The following RNF150 variants were observed in gnomAD, a reference collection of about 807,000 sequenced individuals.
RNF150 encodes ring finger protein 150.
Under a neutral mutation model 39.3 loss-of-function variants are expected in RNF150, and 24 were observed. The observed-to-expected ratio is 0.61, with a 90% CI of 0.44 to 0.86. The LOEUF is 0.86. Among genes scored for constraint, RNF150 ranks in the 40% least tolerant of loss-of-function variants. The pLI is 0.00. For synonymous variants in RNF150, 255 were observed against 227.3 expected (o/e 1.12, Z -1.10); for missense variants, 502 against 587.8 (o/e 0.85, Z 1.51).
intron 1 of RNF150, among the ~76,000 whole-genome samples, chr4:141,206,202 C>A (rs1728372366): frequency 6.6e-6 from 1 of 151,860 alleles, no homozygotes. Flanking sequence ...GGTGGATTAC[C>A]TGAGGTCAGG....
At chr4:140,980,859 T>C (rs1046049945) in intron 1 of RNF150, among the ~76,000 whole-genome samples, 1 of 152,154 alleles carries the variant, frequency 6.6e-6, no homozygotes, top group African/African-American at 2.4e-5. Context: ...GACTAATACA[T>C]ACCTCTTCTC....
intron 1 of RNF150, among the ~76,000 whole-genome samples, chr4:141,059,512 C>T (rs529933881): frequency 1.3e-5 from 2 of 152,160 alleles, no homozygotes; most frequent in African/African-American, 4.8e-5. Flanking sequence ...CTCCAGGGTC[C>T]AATTTTCCTG....
intron 1 of RNF150, among the ~76,000 whole-genome samples, chr4:141,113,816 T>A (rs1428304760): frequency 6.6e-6 from 1 of 152,128 alleles, no homozygotes; most frequent in Non-Finnish European, 1.5e-5. Context: ...CATAACAAAC[T>A]GTCTCTCAGA....
intron 1 of RNF150, among the ~76,000 whole-genome samples, chr4:141,056,049 T>C (rs1346662015): frequency 3.3e-5 from 5 of 152,218 alleles, no homozygotes; most frequent in Non-Finnish European, 7.3e-5. Flanking sequence ...AGAGGGTAAC[T>C]GTTGACTCCA....
chr4:141,033,283 T>A (rs1443949265), intron 1 of RNF150, among the ~76,000 whole-genome samples: 1 of 152,202 alleles, frequency 6.6e-6, no homozygotes. Context: ...AACCACTTTC[T>A]TTACACATTC....
intron 1 of RNF150, among the ~76,000 whole-genome samples, chr4:140,969,615 A>G (rs935333403): frequency 6.6e-6 from 1 of 151,912 alleles, no homozygotes; most frequent in African/African-American, 2.4e-5. Context: ...TGGTAGAATA[A>G]TAATTTTTCA....
chr4:141,079,589 T>C (rs991861271), intron 1 of RNF150, among the ~76,000 whole-genome samples: 3 of 152,170 alleles, frequency 2.0e-5, no homozygotes, highest in African/African-American at 7.2e-5. Context: ...TGTAAAACTG[T>C]GAGCAGCTGC....
intron 1 of RNF150, among the ~76,000 whole-genome samples, chr4:141,083,338 A>ATT (rs995849555): frequency 6.6e-6 from 1 of 152,238 alleles, no homozygotes; most frequent in African/African-American, 2.4e-5. Flanking sequence ...TCAAAAAATA[A>ATT]TTTGAATGAC....
At chr4:141,197,600 TG>T (rs1728221051) in intron 1 of RNF150, among the ~76,000 whole-genome samples, 1 of 152,182 alleles carries the variant, frequency 6.6e-6, no homozygotes, top group Non-Finnish European at 1.5e-5. Flanking sequence ...TGACCTTGGC[TG>T]GGTGCGGTGG....
intron 1 of RNF150, among the ~76,000 whole-genome samples, chr4:141,020,315 T>C (rs1334119455): frequency 1.3e-5 from 2 of 152,108 alleles, no homozygotes; most frequent in Non-Finnish European, 2.9e-5. Flanking sequence ...CATGCACACA[T>C]GCAAATGTGA....
intron 4 of RNF150, among the ~76,000 whole-genome samples, chr4:140,930,675 A>G (rs577345842): frequency 6.6e-6 from 1 of 151,880 alleles, no homozygotes; most frequent in African/African-American, 2.4e-5. Context: ...GCTCATCATC[A>G]TTTTCTCTGT....
intron 1 of RNF150, among the ~76,000 whole-genome samples, chr4:141,112,311 C>A (rs919359757): frequency 8.2e-6 from 1 of 121,554 alleles, no homozygotes; most frequent in Non-Finnish European, 1.8e-5. Context: ...GATGCAGTTT[C>A]TTCATAATAT....
chr4:141,194,931 G>A (rs555590987), intron 1 of RNF150, among the ~76,000 whole-genome samples: 372 of 152,258 alleles, frequency 2.4e-3, no homozygotes, highest in African/African-American at 8.5e-3. Flanking sequence ...AGGATTAAAT[G>A]AGTTAATTAA....
Position 140,936,990 on chromosome 4 carries a change from ACTG to A in RNF150, c.890+10661_890+10663del, listed in dbSNP as rs376540051. Among the ~76,000 whole-genome samples, 55 of 152,310 alleles carry A rather than the reference ACTG, an allele frequency of 3.6e-4. 1 individual carries two copies. In the East Asian group the frequency reaches 0.01, roughly 28 times the overall value. On this transcript the variant is annotated intron_variant, in intron 4 of 6. Coordinates refer to ENST00000515673, the MANE Select transcript of RNF150 (RefSeq NM_020724.2). ...AGTGCTAGCATAAACACTCTCACAT[ACTG>A]CTAATGAGGTGTCAATCATTACCAC...
intron 1 of RNF150, among the ~76,000 whole-genome samples, chr4:141,018,946 A>AATT (rs1735379144): frequency 1.3e-5 from 2 of 151,294 alleles, no homozygotes; most frequent in South Asian, 4.2e-4. Context: ...GGGTTGTCCT[A>AATT]ATTATAAACA....
intron 1 of RNF150, among the ~76,000 whole-genome samples, chr4:141,211,576 A>T (rs1457522846): frequency 6.6e-6 from 1 of 152,192 alleles, no homozygotes; most frequent in African/African-American, 2.4e-5. Flanking sequence ...GTCTGCTTTA[A>T]AAGCACTAAG....
At chr4:141,189,323 G>A (rs370461649) in intron 1 of RNF150, among the ~76,000 whole-genome samples, 203 of 152,296 alleles carry the variant, frequency 1.3e-3, no homozygotes, top group African/African-American at 4.5e-3. Context: ...TCCTGTATGA[G>A]GTGTCTGTCA....
At chr4:140,879,043 T>C (rs1217500885) in intron 6 of RNF150, among the ~76,000 whole-genome samples, 3 of 152,248 alleles carry the variant, frequency 2.0e-5, no homozygotes, top group Admixed American at 6.5e-5. Flanking sequence ...CTTGGCTCAC[T>C]GTTGAGGATT....
At chr4:141,107,098 G>T (rs1277928256) in intron 1 of RNF150, among the ~76,000 whole-genome samples, 2 of 151,976 alleles carry the variant, frequency 1.3e-5, no homozygotes, top group Admixed American at 1.3e-4. Context: ...ACATTCTAAT[G>T]TTCCTAGAAA....
Sources: gnomAD v4.1 joint callset for allele counts (sites outside exome capture counted in the v4.1 genomes callset) on GRCh38, gnomAD v4.1.1 for gene constraint, MANE v1.5 for transcripts, NCBI Gene and HGNC (gene_info 2026-07-23, HGNC 2026-07-21) for gene names.